Variants in PCSK6 observed in about 807,000 individuals in gnomAD.
PCSK6 encodes the protein proprotein convertase subtilisin/kexin type 6, also known as paired basic amino acid cleaving enzyme 4.
In PCSK6, 85 loss-of-function variants were observed where a neutral mutation model predicts 123.3. That is an observed-to-expected ratio of 0.69 (90% confidence interval 0.58 to 0.83). The LOEUF (loss-of-function observed/expected upper bound fraction) is 0.83, where lower values mean the gene tolerates loss of function less well. Among genes scored for constraint, PCSK6 ranks in the 40% least tolerant of loss-of-function variants. PCSK6 has a pLI of 0.00. For missense variants in PCSK6, 1,191 were observed against 1,282.3 expected, an observed-to-expected ratio of 0.93 and a Z score of 1.09; for synonymous variants, 508 against 516.0, an observed-to-expected ratio of 0.98 and a Z score of 0.21.
At chr15:101,326,088 G>A (rs576735968) in intron 16 of PCSK6, among the ~76,000 whole-genome samples, 1 of 152,344 alleles carries the variant, frequency 6.6e-6, no homozygotes, top group South Asian at 2.1e-4. Context: ...GCCTTGGCAC[G>A]CCCAACATGA....
intron 1 of PCSK6, among the ~76,000 whole-genome samples, chr15:101,471,542 G>C (rs2057604435): frequency 6.6e-6 from 1 of 152,032 alleles, no homozygotes; most frequent in Admixed American, 6.5e-5. Flanking sequence ...CTTATTTTTG[G>C]TGCATTCCAA....
In PCSK6 at chr15:101,440,747, C is replaced by T. The variant is rs146586779; in HGVS notation, c.402+2809G>A. 3.0e-4 allele frequency among the ~76,000 whole-genome samples: 46 copies of T among 152,314 alleles called. No homozygotes were observed. In the East Asian group the frequency reaches 6.9e-3, roughly 23 times the overall value. On this transcript the variant is annotated intron_variant, in intron 2 of 21. Coordinates refer to ENST00000611716, the MANE Select transcript of PCSK6 (RefSeq NM_002570.5). ...AGGTATCATAAAAATGCTTTGCCAA[C>T]GTAGGGAAACGTTCTGATGCACTGC...
rs1027120412 is a variant in PCSK6, at chr15:101,403,313, C to T, written c.824-4737G>A. On this transcript the variant is annotated intron_variant, in intron 6 of 21. Transcript: ENST00000611716. ...GGAGGGATAGCATTAGGAGATATAC[C>T]TAATGCTAAATGACCAGTTAATGGG... Among the ~76,000 whole-genome samples the T allele has an allele frequency of 4.7e-5, 7 of 149,062 alleles. No homozygotes were observed. In the South Asian group the frequency reaches 1.1e-3, roughly 23 times the overall value.
chr15:101,477,236 T>C (rs2057754522), intron 1 of PCSK6, among the ~76,000 whole-genome samples: 2 of 151,894 alleles, frequency 1.3e-5, no homozygotes, highest in South Asian at 2.1e-4. Flanking sequence ...GGTGAATATA[T>C]GTGTGTGCGT....
chr15:101,326,267 T>G, intron 16 of PCSK6, 110 bp downstream of exon 16: 1 of 767,988 alleles, frequency 1.3e-6, no homozygotes, highest in Non-Finnish European at 2.1e-6. Flanking sequence ...TGATGATTGT[T>G]TGGGGGTGCT....
chr15:101,329,109 C>A (rs2141367171), intron 15 of PCSK6, among the ~76,000 whole-genome samples: 1 of 152,326 alleles, frequency 6.6e-6, no homozygotes, highest in South Asian at 2.1e-4. Context: ...ACAAGGGGGG[C>A]TCCGTTCACG....
At position 101,484,457 on chromosome 15, in the gene PCSK6, C is replaced by T. The variant is rs146186454; in HGVS notation, c.297+4917G>A. On this transcript the variant is annotated intron_variant, in intron 1 of 21. Transcript: ENST00000611716. ...GACTGGAGTGCAGTCCTGTTCATCT[C>T]AGCTCACTGCAACCTCCACCTCCCA... is the stretch of plus-strand genomic sequence containing the variant. Among the ~76,000 whole-genome samples, 1,407 of 152,318 alleles carry T rather than the reference C, an allele frequency of 9.2e-3. 28 individuals carry two copies. Among genetic ancestry groups the T allele is most frequent in the African/African-American group, 0.031 (1,307 of 41,558 alleles).
intron 13 of PCSK6, among the ~76,000 whole-genome samples, chr15:101,338,565 G>A (rs1022004387): frequency 2.6e-5 from 4 of 152,338 alleles, no homozygotes; most frequent in African/African-American, 7.2e-5. Context: ...GCCACCCAGA[G>A]GCAGTCAGAT....
intron 4 of PCSK6, 94 bp from the exon 5 acceptor site, chr15:101,430,157 C>G (rs1411378271): frequency 2.3e-6 from 2 of 884,230 alleles, no homozygotes; most frequent in East Asian, 5.1e-5. Context: ...AGAGAAACCA[C>G]ACGCGGGGCT....
intron 16 of PCSK6, 119 bp downstream of exon 16, chr15:101,326,258 G>A: frequency 1.4e-6 from 1 of 716,898 alleles, no homozygotes; most frequent in Admixed American, 2.6e-5. Flanking sequence ...ACTTCAGTGT[G>A]ATGATTGTTT....
intron 13 of PCSK6, among the ~76,000 whole-genome samples, chr15:101,345,545 T>A (rs1040823428): frequency 2.6e-5 from 4 of 152,156 alleles, no homozygotes; most frequent in African/African-American, 9.7e-5. Context: ...AGAAAAAAAA[T>A]TTATATGAAT....
intron 20 of PCSK6, chr15:101,313,092 C>G: frequency 1.5e-6 from 2 of 1,356,934 alleles, no homozygotes; most frequent in Non-Finnish European, 1.9e-6. Context: ...TGGGCAGGGA[C>G]GTCCCGCGTA....
chr15:101,332,907 C>A (rs980642641), intron 13 of PCSK6, among the ~76,000 whole-genome samples: 2 of 152,208 alleles, frequency 1.3e-5, no homozygotes, highest in Non-Finnish European at 1.5e-5. Flanking sequence ...ACATTATAAA[C>A]AGTCCCCAAT....
At chr15:101,312,585 C>T (rs2039891786) in intron 20 of PCSK6, among the ~76,000 whole-genome samples, 1 of 152,212 alleles carries the variant, frequency 6.6e-6, no homozygotes, top group Non-Finnish European at 1.5e-5. Flanking sequence ...AATCCCAGCA[C>T]TTTGGGAGGC....
At chr15:101,361,258 T>A (rs2041214600) in intron 13 of PCSK6, among the ~76,000 whole-genome samples, 1 of 152,128 alleles carries the variant, frequency 6.6e-6, no homozygotes, top group South Asian at 2.1e-4. Context: ...TAAATCTTGA[T>A]TATCTCTCTA....
intron 6 of PCSK6, among the ~76,000 whole-genome samples, chr15:101,404,163 A>G (rs931878251): frequency 6.6e-6 from 1 of 152,164 alleles, no homozygotes; most frequent in Non-Finnish European, 1.5e-5. Flanking sequence ...GAGGTTCTTA[A>G]TTTTAATAGA....
chr15:101,438,251 T>C (rs1225429991), intron 2 of PCSK6, among the ~76,000 whole-genome samples: 1 of 152,260 alleles, frequency 6.6e-6, no homozygotes, highest in East Asian at 1.9e-4. Flanking sequence ...TCTGTACCTC[T>C]GTTATTTTAG....
At chr15:101,443,280 G>A (rs1309188093) in intron 2 of PCSK6, among the ~76,000 whole-genome samples, 1 of 152,118 alleles carries the variant, frequency 6.6e-6, no homozygotes, top group Non-Finnish European at 1.5e-5. Context: ...TAAAATACTT[G>A]CTTGAATTGC....
chr15:101,323,453 G>T (rs573479667), intron 17 of PCSK6, among the ~76,000 whole-genome samples: 5 of 152,200 alleles, frequency 3.3e-5, no homozygotes, highest in African/African-American at 1.2e-4. Flanking sequence ...AGTCTGGGAC[G>T]GGTGAGGTGG....
Sources: allele counts gnomAD v4.1 joint callset (sites outside exome capture counted in the v4.1 genomes callset), GRCh38; gene constraint gnomAD v4.1.1; transcripts MANE v1.5; gene names NCBI Gene and HGNC (gene_info 2026-07-23, HGNC 2026-07-21).